The following PPP1R15B variants were observed in gnomAD, a reference collection of about 807,000 sequenced individuals.
The protein encoded by PPP1R15B is protein phosphatase 1 regulatory subunit 15B.
PPP1R15B carries 31 observed loss-of-function variants against 53.9 expected under a neutral mutation model. The ratio of observed to expected loss-of-function variants is 0.58; its 90% confidence interval spans 0.43 to 0.78. The LOEUF is 0.78. Among genes scored for constraint, PPP1R15B ranks in the 30% least tolerant of loss-of-function variants. The probability of loss-of-function intolerance (pLI) is 0.00; values close to 1 mark genes in which losing one functional copy is unlikely to be tolerated. For missense variants in PPP1R15B, 928 were observed against 849.6 expected, an observed-to-expected ratio of 1.09 and a Z score of -1.15; for synonymous variants, 345 against 329.1, an observed-to-expected ratio of 1.05 and a Z score of -0.52.
Position 204,409,611 on chromosome 1 carries a change from A to AC in PPP1R15B, c.1800dup (p.Cys601ValfsTer8). On this transcript the variant is annotated frameshift_variant, in exon 1 of 2. Coordinates refer to ENST00000367188, the MANE Select transcript of PPP1R15B (RefSeq NM_032833.5). LOFTEE classifies it high-confidence loss of function. ...ACCTTACAAGAAAGTAAGGTGTGAC[A>AC]CTCAGAAATGGCCACAATGGACTCA... 6.2e-7 allele frequency: 1 copy of AC among 1,614,180 alleles called. No homozygotes were observed. The highest frequency in any genetic ancestry group is 1.3e-5 in the African/African-American group (1 of 75,048).
chr1:204,409,141 C>A (rs1025161186), intron 1 of PPP1R15B, among the ~76,000 whole-genome samples: 1 of 152,120 alleles, frequency 6.6e-6, no homozygotes, highest in African/African-American at 2.4e-5. Context: ...TTTTCAATCT[C>A]TAGAAAAATT....
Position 204,405,396 on chromosome 1 carries a change from T to C in PPP1R15B, c.*696A>G. ...TAGATGTTAAAATGTGGTAGAAAGA[T>C]GCAGCTTTCCCAAAGTAGTAAAGTA... On this transcript the variant is annotated 3_prime_UTR_variant, in exon 2 of 2. Coordinates refer to ENST00000367188, the MANE Select transcript of PPP1R15B (RefSeq NM_032833.5). 1 of 985,286 alleles carries C rather than the reference T, an allele frequency of 1.0e-6. No individual in the cohort carries two copies. Among genetic ancestry groups the C allele is most frequent in the Non-Finnish European group, 1.2e-6 (1 of 829,826 alleles). 61.0% of individuals were successfully genotyped at this position (985,286 alleles called of 1,614,324 possible). A position where few individuals can be genotyped will look rare whatever the true frequency, so the allele number is the denominator to read the frequency against.
downstream of PPP1R15B, among the ~76,000 whole-genome samples, chr1:204,399,180 C>G (rs1378670168): frequency 2.0e-5 from 3 of 152,302 alleles, no homozygotes; most frequent in South Asian, 6.2e-4. Context: ...GTAATCCCAG[C>G]ACTTTGGGAG....
chr1:204,411,089 G>A lies in PPP1R15B; in HGVS notation c.323C>T (p.Ala108Val). 6.2e-7 allele frequency: 1 copy of A among 1,614,146 alleles called. No individual in the cohort carries two copies. Residue 108 changes from alanine (A) to valine (V), a missense_variant, in exon 1 of 2, where the codon GCC (alanine) becomes GTC (valine). Ala to Val is a moderately conservative substitution (Grantham distance 64). Transcript: ENST00000367188. ...GGCTGGTTTCTCCCGTCCCTTCAGG[G>A]CTCTCAGGGCGCTGTAGACTCCAGC... The part of the protein sequence containing the change: ...DFAGVYSALR[A>V]LKGREKPAAP...
Position 204,403,750 on chromosome 1 carries a change from G to A in PPP1R15B, c.*2342C>T, listed in dbSNP as rs927496092. Reference sequence around the variant, plus strand: ...AAGATTTTCTCTTTAAGATTACGGGGGTTTAACTTTGTTCTAACTAGAATT... The same window carrying A: ...AAGATTTTCTCTTTAAGATTACGGGAGTTTAACTTTGTTCTAACTAGAATT... On this transcript the variant is annotated 3_prime_UTR_variant, in exon 2 of 2. Coordinates refer to ENST00000367188, the MANE Select transcript of PPP1R15B (RefSeq NM_032833.5). 1.0e-6 allele frequency: 1 copy of A among 985,314 alleles called. No homozygotes were observed. Among genetic ancestry groups the A allele is most frequent in the Non-Finnish European group, 1.2e-6 (1 of 829,520 alleles). 61.0% of individuals were successfully genotyped at this position (985,314 alleles called of 1,614,324 possible). A position where few individuals can be genotyped will look rare whatever the true frequency, so the allele number is the denominator to read the frequency against.
Position 204,409,830 on chromosome 1 carries a change from T to G in PPP1R15B, c.1582A>C (p.Ser528Arg). ...CTATGCTCAGGGGTCTCAGGAAGGC[T>G]TCCAGACTGGGAGGAATTCTCTAGA... is the stretch of plus-strand genomic sequence containing the variant. Reference protein sequence around the residue: ...SDLENSSQSGSLPETPEHSSG... With the variant: ...SDLENSSQSGRLPETPEHSSG... Residue 528 changes from serine (S) to arginine (R), a missense_variant, in exon 1 of 2, where the codon AGC (serine) becomes CGC (arginine). Transcript: ENST00000367188. The G allele has an allele frequency of 6.2e-7, 1 of 1,614,196 alleles. No individual in the cohort carries two copies. The highest frequency in any genetic ancestry group is 8.5e-7 in the Non-Finnish European group (1 of 1,180,038).
rs141363384 is a variant in PPP1R15B, at chr1:204,411,197, G to T, written c.215C>A (p.Ala72Glu). The change falls in exon 1 of 2, where the codon GCG (alanine) becomes GAG (glutamate). Residue 72 changes from alanine (A) to glutamate (E), a missense_variant. Transcript: ENST00000367188. ...CTTCTGAAGCAATCCGGGGAGCGGC[G>T]CAAGGAGCTGGGAGAGCAGTTTCGT... The part of the protein sequence containing the change: ...YWTKLLSQLL[A>E]PLPGLLQKVL... 6.2e-6 allele frequency: 10 copies of T among 1,614,096 alleles called. No individual in the cohort carries two copies. The highest frequency in any genetic ancestry group is 7.6e-6 in the Non-Finnish European group (9 of 1,180,046).
Position 204,405,431 on chromosome 1 carries a change from T to A in PPP1R15B, c.*661A>T. ...CCAAAGTAGTAAAGTACTGCACATA[T>A]GGGTTTTGTGGCAGTCCTTGGAAAT... On this transcript the variant is annotated 3_prime_UTR_variant, in exon 2 of 2. Coordinates refer to ENST00000367188, the MANE Select transcript of PPP1R15B (RefSeq NM_032833.5). 1 of 984,934 alleles carries A rather than the reference T, an allele frequency of 1.0e-6. No homozygotes were observed. Among genetic ancestry groups the A allele is most frequent in the Non-Finnish European group, 1.2e-6 (1 of 829,568 alleles). 61.0% of individuals were successfully genotyped at this position (984,934 alleles called of 1,614,324 possible).
chr1:204,410,459 T>TG lies in PPP1R15B; in HGVS notation c.952dup (p.Gln318ProfsTer3). On this transcript the variant is annotated frameshift_variant, in exon 1 of 2. Coordinates refer to ENST00000367188, the MANE Select transcript of PPP1R15B (RefSeq NM_032833.5). LOFTEE classifies it high-confidence loss of function. ...CTCCAGGCTGTGGTAGCCATTATCC[T>TG]GGTCAGGGGTGGGTAAATCTTGCCC... is the stretch of plus-strand genomic sequence containing the variant. 1 of 1,614,206 alleles carries TG rather than the reference T, an allele frequency of 6.2e-7. No homozygotes were observed. The highest frequency in any genetic ancestry group is 8.5e-7 in the Non-Finnish European group (1 of 1,180,032).
Position 204,405,842 on chromosome 1 carries a change from A to C in PPP1R15B, c.*250T>G. 1 of 1,229,986 alleles carries C rather than the reference A, an allele frequency of 8.1e-7. No homozygotes were observed. Among genetic ancestry groups the C allele is most frequent in the Non-Finnish European group, 1.0e-6 (1 of 979,686 alleles). The allele number at this position is 1,229,986 out of a possible 1,614,324, so 76.2% of individuals were successfully genotyped here. ...CACCTCATGCAGGCAAAGGACATTT[A>C]AAAGCACATCCAACTAAATCAAAAA... On this transcript the variant is annotated 3_prime_UTR_variant, in exon 2 of 2. Coordinates refer to ENST00000367188, the MANE Select transcript of PPP1R15B (RefSeq NM_032833.5).
In PPP1R15B at chr1:204,409,630, G is replaced by A. The variant is rs1001622830; in HGVS notation, c.1782C>T (p.Ser594=). The A allele has an allele frequency of 6.2e-7, 1 of 1,614,014 alleles. No individual in the cohort carries two copies. The highest frequency in any genetic ancestry group is 1.3e-5 in the African/African-American group (1 of 74,974). Residue 594 remains serine, a synonymous_variant, in exon 1 of 2, where the codon TCC becomes TCT. Transcript: ENST00000367188. ...TGTGACACTCAGAAATGGCCACAATGGACTCAGATGGGGTCTTTGAGTCAC... is the reference window on the plus strand; with the variant it reads ...TGTGACACTCAGAAATGGCCACAATAGACTCAGATGGGGTCTTTGAGTCAC... ...GCRDSKTPSE[S]IVAISECHTL... is the part of the protein sequence containing the mutation.
rs2103444278 is a variant in PPP1R15B, at chr1:204,406,115, G to C, written c.2119C>G (p.Leu707Val). Residue 707 changes from leucine to valine, a missense_variant, in exon 2 of 2, where the codon CTT (leucine) becomes GTT (valine). Physicochemically the swap from Leu to Val is conservative, Grantham distance 32 (BLOSUM62 1). Coordinates refer to ENST00000367188, the MANE Select transcript of PPP1R15B (RefSeq NM_032833.5). Reference protein sequence around the residue: ...NRLQGTCFKGLNVLKQC With the variant: ...NRLQGTCFKGVNVLKQC ...ACTCAACATTGCTTGAGAACATTAA[G>C]TCCTTTGAAGCATGTTCCCTGGAGT... 1 of 1,614,094 alleles carries C rather than the reference G, an allele frequency of 6.2e-7. No individual in the cohort carries two copies. Among genetic ancestry groups the C allele is most frequent in the South Asian group, 1.1e-5 (1 of 91,090 alleles).
rs541244082 is a variant in PPP1R15B at position 204,405,427 on chromosome 1, C to T, written c.*665G>A. ...TTTCCCAAAGTAGTAAAGTACTGCACATATGGGTTTTGTGGCAGTCCTTGG... is the reference window on the plus strand; with the variant it reads ...TTTCCCAAAGTAGTAAAGTACTGCATATATGGGTTTTGTGGCAGTCCTTGG... On this transcript the variant is annotated 3_prime_UTR_variant, in exon 2 of 2. Transcript: ENST00000367188. The T allele has an allele frequency of 1.8e-4, 178 of 984,876 alleles. No homozygotes were observed. The African/African-American group carries it at 3.0e-3, about 16-fold the overall frequency. 61.0% of individuals were successfully genotyped at this position (984,876 alleles called of 1,614,324 possible).
chr1:204,402,436 CAG>C (rs909374123), downstream of PPP1R15B, among the ~76,000 whole-genome samples: 1 of 151,978 alleles, frequency 6.6e-6, no homozygotes, highest in Non-Finnish European at 1.5e-5. Flanking sequence ...TTTTTTGAGA[CAG>C]AGTCTATCAC....
Position 204,410,224 on chromosome 1 carries a change from A to G in PPP1R15B, c.1188T>C (p.Pro396=). ...PSSEIPMEKE[P]GEGRISVVDY... is the part of the protein sequence containing the mutation. ...CAACTACACTTATTCGGCCCTCTCC[A>G]GGCTCCTTTTCCATAGGTATCTCAC... Residue 396 remains proline (P), a synonymous_variant, in exon 1 of 2, where the codon CCT becomes CCC. Coordinates refer to ENST00000367188, the MANE Select transcript of PPP1R15B (RefSeq NM_032833.5). 1 of 1,614,088 alleles carries G rather than the reference A, an allele frequency of 6.2e-7. No homozygotes were observed.
chr1:204,397,574 A>G (rs1383122913), downstream of PPP1R15B, among the ~76,000 whole-genome samples: 2 of 152,210 alleles, frequency 1.3e-5, no homozygotes, highest in Non-Finnish European at 2.9e-5. Flanking sequence ...CACAAAAAAA[A>G]TGCTAAGTAT....
chr1:204,406,855 T>G (rs1674274036), intron 1 of PPP1R15B, among the ~76,000 whole-genome samples: 1 of 152,166 alleles, frequency 6.6e-6, no homozygotes, highest in Non-Finnish European at 1.5e-5. Flanking sequence ...TATATATACT[T>G]CATTTATCTA....
At chr1:204,408,237 A>T (rs1298907301) in intron 1 of PPP1R15B, among the ~76,000 whole-genome samples, 2 of 152,252 alleles carry the variant, frequency 1.3e-5, no homozygotes, top group Non-Finnish European at 2.9e-5. Context: ...AGTAGAGAAC[A>T]CAGGGCTCCA....
chr1:204,411,439 A>T lies in PPP1R15B; in HGVS notation c.-28T>A. ...CCTTTTTCTTGACAGTCTCTCAGGT[A>T]GGGCCGCGGCGCTCAGCGGCTGGAG... On this transcript the variant is annotated 5_prime_UTR_variant, in exon 1 of 2. Transcript: ENST00000367188. 6.3e-7 allele frequency: 1 copy of T among 1,594,212 alleles called. No individual in the cohort carries two copies. Among genetic ancestry groups the T allele is most frequent in the Non-Finnish European group, 8.5e-7 (1 of 1,172,910 alleles).
Sources: gnomAD v4.1 joint callset for allele counts (sites outside exome capture counted in the v4.1 genomes callset) on GRCh38, gnomAD v4.1.1 for gene constraint, MANE v1.5 for transcripts, NCBI Gene and HGNC (gene_info 2026-07-23, HGNC 2026-07-21) for gene names.